STRN3: variants seen among roughly 807,000 people sequenced by gnomAD.
STRN3 encodes the protein striatin 3, also known as striatin-3.
Under a neutral mutation model 95.6 loss-of-function variants are expected in STRN3, and 29 were observed. The observed-to-expected ratio is 0.30, with a 90% CI of 0.23 to 0.41. The LOEUF (loss-of-function observed/expected upper bound fraction) is 0.41, where lower values mean the gene tolerates loss of function less well. STRN3 is among the 10% of genes least tolerant of loss of function. The probability of loss-of-function intolerance (pLI) is 1.00; values close to 1 mark genes in which losing one functional copy is unlikely to be tolerated. For missense variants in STRN3, 890 were observed against 972.1 expected (o/e 0.92, Z 1.12); for synonymous variants, 331 against 357.6 (o/e 0.93, Z 0.84).
At position 30,935,143 on chromosome 14, in the gene STRN3, G is replaced by GT. The variant is rs775902843; in HGVS notation, c.988+19dup. On this transcript the variant is annotated intron_variant, in intron 7 of 17. Coordinates refer to ENST00000357479, the MANE Select transcript of STRN3 (RefSeq NM_001083893.2). Reference sequence around the variant, plus strand: ...TAAGGGCTAGATTTCCTCCCACCCGGTATTTCTTTATCACCTTACCCCATT... The same window carrying GT: ...TAAGGGCTAGATTTCCTCCCACCCGGTTATTTCTTTATCACCTTACCCCATT... 8 of 1,610,436 alleles carry GT rather than the reference G, an allele frequency of 5.0e-6. No homozygotes were observed. The Admixed American group carries it at 1.3e-4, about 27-fold the overall frequency.
chr14:30,955,386 G>C (rs748927040), intron 3 of STRN3, among the ~76,000 whole-genome samples: 8 of 151,936 alleles, frequency 5.3e-5, no homozygotes, highest in Non-Finnish European at 1.0e-4. Context: ...TACCATAAAT[G>C]CAACCACACT....
chr14:30,974,718 C>T (rs1161729074), intron 1 of STRN3, among the ~76,000 whole-genome samples: 1 of 151,890 alleles, frequency 6.6e-6, no homozygotes, highest in African/African-American at 2.4e-5. Context: ...ACAGGAGGAT[C>T]ACTTGAGCCT....
intron 12 of STRN3, 96 bp downstream of exon 12, chr14:30,911,681 T>A: frequency 9.0e-7 from 1 of 1,105,378 alleles, no homozygotes; most frequent in Non-Finnish European, 1.3e-6. Context: ...TCTTTTCTAA[T>A]ACAAAACATT....
chr14:30,913,348 TTAAA>T (rs1896656801), intron 10 of STRN3, among the ~76,000 whole-genome samples, 172 bp downstream of exon 10: 1 of 152,034 alleles, frequency 6.6e-6, no homozygotes, highest in African/African-American at 2.4e-5. Context: ...AAAAAAAAAT[TTAAA>T]TACCACAAAG....
intron 1 of STRN3, among the ~76,000 whole-genome samples, chr14:30,981,030 A>G (rs1169344027): frequency 6.6e-6 from 1 of 152,136 alleles, no homozygotes; most frequent in African/African-American, 2.4e-5. Context: ...TTTTCTGTCC[A>G]GGCATGGTGC....
chr14:30,990,368 C>T lies in STRN3; in HGVS notation c.283-34126G>A, dbSNP rs971611717. Among the ~76,000 whole-genome samples the T allele has an allele frequency of 1.3e-5, 2 of 151,700 alleles. 1 individual carries two copies. The highest frequency in any genetic ancestry group is 4.9e-5 in the African/African-American group (2 of 41,150). On this transcript the variant is annotated intron_variant, in intron 1 of 17. Coordinates refer to ENST00000357479, the MANE Select transcript of STRN3 (RefSeq NM_001083893.2). The stretch of plus-strand genomic sequence containing the variant: ...CATTTTTAGTAGAGACGGGGTTTCA[C>T]CGTATTAGCCAGGATGGTCTCGATC...
At chr14:30,972,343 G>A (rs1455932301) in intron 1 of STRN3, among the ~76,000 whole-genome samples, 1 of 152,086 alleles carries the variant, frequency 6.6e-6, no homozygotes, top group African/African-American at 2.4e-5. Flanking sequence ...AGTTTAGCCT[G>A]TGCGTCTAAC....
At chr14:31,013,898 T>TTGAGACAGAGTGTC (rs71112374) in intron 1 of STRN3, among the ~76,000 whole-genome samples, 7 of 135,024 alleles carry the variant, frequency 5.2e-5, no homozygotes, top group Non-Finnish European at 6.7e-5. Context: ...TTATTATTAT[T>TTGAGACAGAGTGTC]ATTATTATTA....
intron 1 of STRN3, among the ~76,000 whole-genome samples, chr14:30,963,547 TAC>T (rs1376436999): frequency 6.6e-6 from 1 of 152,186 alleles, no homozygotes; most frequent in East Asian, 1.9e-4. Flanking sequence ...TAGCTGGGAC[TAC>T]AGGCACACGC....
intron 1 of STRN3, among the ~76,000 whole-genome samples, chr14:30,972,000 T>C (rs1880854870): frequency 6.6e-6 from 1 of 151,996 alleles, no homozygotes; most frequent in African/African-American, 2.4e-5. Flanking sequence ...CAAGACATGT[T>C]AAAAAAAAGT....
chr14:30,947,048 C>A (rs763199916), intron 5 of STRN3, 42 bp downstream of exon 5: 1 of 1,376,874 alleles, frequency 7.3e-7, no homozygotes. Context: ...TAACAATATC[C>A]ATAATATCCA....
Position 30,978,540 on chromosome 14 carries a change from C to A in STRN3, c.283-22298G>T, listed in dbSNP as rs1451398535. ...ATTATGAAAAAGTAGATGCTTTTCCCCCTAAGACTGGGAAGAAGGCAAGGA... is the reference window on the plus strand; with the variant it reads ...ATTATGAAAAAGTAGATGCTTTTCCACCTAAGACTGGGAAGAAGGCAAGGA... On this transcript the variant is annotated intron_variant, in intron 1 of 17. Transcript: ENST00000357479. Among the ~76,000 whole-genome samples the A allele has an allele frequency of 2.6e-5, 4 of 152,056 alleles. No individual in the cohort carries two copies. The East Asian group carries it at 7.7e-4, about 29-fold the overall frequency.
At chr14:30,939,711 C>T (rs1230751785) in intron 5 of STRN3, among the ~76,000 whole-genome samples, 2 of 152,102 alleles carry the variant, frequency 1.3e-5, no homozygotes, top group Non-Finnish European at 2.9e-5. Flanking sequence ...CCTTCTCTAT[C>T]TTTGATTCCT....
intron 4 of STRN3, among the ~76,000 whole-genome samples, 167 bp from the exon 5 acceptor site, chr14:30,947,430 A>C (rs1325254837): frequency 6.6e-6 from 1 of 152,194 alleles, no homozygotes; most frequent in Non-Finnish European, 1.5e-5. Flanking sequence ...ACAATACCAA[A>C]TACAAACCAA....
intron 1 of STRN3, among the ~76,000 whole-genome samples, chr14:30,968,959 A>T (rs1379943988): frequency 6.6e-6 from 1 of 152,154 alleles, no homozygotes; most frequent in Non-Finnish European, 1.5e-5. Flanking sequence ...AAAAATATAT[A>T]TTTTGTTTCA....
chr14:30,941,064 T>C (rs1011402678), intron 5 of STRN3, among the ~76,000 whole-genome samples: 4 of 152,150 alleles, frequency 2.6e-5, no homozygotes, highest in Non-Finnish European at 5.9e-5. Flanking sequence ...GAAAACCCAG[T>C]GGGAAGTCGG....
intron 16 of STRN3, among the ~76,000 whole-genome samples, chr14:30,899,490 C>T (rs531885549): frequency 6.6e-6 from 1 of 152,180 alleles, no homozygotes; most frequent in African/African-American, 2.4e-5. Flanking sequence ...CCTACACATA[C>T]AGCATAGATA....
At position 30,949,319 on chromosome 14, in the gene STRN3, T is replaced by C. The variant is rs1009527824; in HGVS notation, c.542+1544A>G. Among the ~76,000 whole-genome samples, 4 of 152,156 alleles carry C rather than the reference T, an allele frequency of 2.6e-5. 1 individual carries two copies. The highest frequency in any genetic ancestry group is 2.6e-4 in the Admixed American group (4 of 15,270). Reference sequence around the variant, plus strand: ...TAAAGTAAAATATAAGAGGTTTAAATACATTTACAGAGGCCAGGTGCGGTG... The same window carrying C: ...TAAAGTAAAATATAAGAGGTTTAAACACATTTACAGAGGCCAGGTGCGGTG... On this transcript the variant is annotated intron_variant, in intron 4 of 17. Transcript: ENST00000357479.
At chr14:31,018,539 CTGG>C in intron 1 of STRN3, 1 of 437,308 alleles carries the variant, frequency 2.3e-6, no homozygotes, top group Non-Finnish European at 4.6e-6. Context: ...AAAGGACATC[CTGG>C]CTGAAGAGGG....
Sources: allele counts gnomAD v4.1 joint callset (sites outside exome capture counted in the v4.1 genomes callset), GRCh38; gene constraint gnomAD v4.1.1; transcripts MANE v1.5; gene names NCBI Gene and HGNC (gene_info 2026-07-23, HGNC 2026-07-21).